The following LRCH3 variants were observed in gnomAD, a reference collection of about 807,000 sequenced individuals.
The protein encoded by LRCH3 is leucine rich repeats and calponin homology domain containing 3.
A neutral mutation model predicts 104.5 loss-of-function variants in LRCH3; 68 were observed. The ratio of observed to expected loss-of-function variants is 0.65; its 90% CI spans 0.54 to 0.80. LRCH3 has a LOEUF of 0.80. Ranked by LOEUF, LRCH3 falls within the 30% of genes least tolerant of loss-of-function variation. The pLI, the probability that LRCH3 is intolerant of heterozygous loss-of-function variation, is 0.00. For synonymous variants in LRCH3, 344 were observed against 361.3 expected (o/e 0.95, Z 0.54); for missense variants, 951 against 953.9 (o/e 1.00, Z 0.04).
At chr3:197,803,526 G>A (rs1732129910) in intron 1 of LRCH3, among the ~76,000 whole-genome samples, 1 of 152,186 alleles carries the variant, frequency 6.6e-6, no homozygotes, top group African/African-American at 2.4e-5. Flanking sequence ...TTAGCCAGGT[G>A]TGGTGATTTG....
At chr3:197,820,686 GT>G (rs1420527551) in intron 4 of LRCH3, among the ~76,000 whole-genome samples, 2 of 152,166 alleles carry the variant, frequency 1.3e-5, no homozygotes, top group Non-Finnish European at 2.9e-5. Context: ...GCGCACTCTT[GT>G]AGTCCCAGCT....
At position 197,798,265 on chromosome 3, in the gene LRCH3, A is replaced by T. The variant is rs556180676; in HGVS notation, c.262+6725A>T. 1.0e-3 allele frequency among the ~76,000 whole-genome samples: 158 copies of T among 152,258 alleles called. 1 individual carries two copies. The Middle Eastern group carries it at 0.014, about 13-fold the overall frequency. On this transcript the variant is annotated intron_variant, in intron 1 of 20. Transcript: ENST00000425562. ...AACAGAGTGAGACCCTGTCTCAAAA[A>T]AAATAAATAAATAAATAAATGAGAG... is the stretch of plus-strand genomic sequence containing the variant.
In LRCH3 at chr3:197,875,137, G is replaced by A. The variant is rs551001761; in HGVS notation, c.2131-561G>A. On this transcript the variant is annotated intron_variant, in intron 19 of 20. Coordinates refer to ENST00000425562, the MANE Select transcript of LRCH3 (RefSeq NM_001365715.1). ...GTAGAGACGGGGTTTCTCCATGTTC[G>A]TCAGGCTGGTCTCGAACTCCCGACC... 6.7e-3 allele frequency among the ~76,000 whole-genome samples: 1,025 copies of A among 152,044 alleles called. 10 individuals carry two copies. The highest frequency in any genetic ancestry group is 0.024 in the South Asian group (115 of 4,824).
rs1739484210 is a variant in LRCH3 at position 197,850,797 on chromosome 3, A to G, written c.1531-1764A>G. 5 of 1,219,584 alleles carry G rather than the reference A, an allele frequency of 4.1e-6. No individual in the cohort carries two copies. The Middle Eastern group carries it at 7.4e-4, about 181-fold the overall frequency. 75.5% of individuals were successfully genotyped at this position (1,219,584 alleles called of 1,614,324 possible). On this transcript the variant is annotated intron_variant, in intron 12 of 20. Transcript: ENST00000425562. ...TCGGAATGGTACACGCTGTTTCTGT[A>G]AAGTGACATCTTTCAGATACTTCGT...
At chr3:197,804,937 T>C (rs1732305930) in intron 1 of LRCH3, among the ~76,000 whole-genome samples, 1 of 151,808 alleles carries the variant, frequency 6.6e-6, no homozygotes, top group Non-Finnish European at 1.5e-5. Flanking sequence ...CTCTGTCGCC[T>C]AGGCTGGAGT....
At chr3:197,849,689 C>T (rs1339392382) in intron 12 of LRCH3, among the ~76,000 whole-genome samples, 1 of 152,130 alleles carries the variant, frequency 6.6e-6, no homozygotes, top group African/African-American at 2.4e-5. Context: ...GATGAGGAAG[C>T]TGTAGGTCTA....
chr3:197,842,447 A>C (rs1325502645), intron 10 of LRCH3, among the ~76,000 whole-genome samples: 1 of 152,178 alleles, frequency 6.6e-6, no homozygotes, highest in African/African-American at 2.4e-5. Flanking sequence ...TAATCTGAAT[A>C]ACATGTTAAC....
chr3:197,825,706 C>T (rs1735122491), intron 4 of LRCH3, among the ~76,000 whole-genome samples: 1 of 151,652 alleles, frequency 6.6e-6, no homozygotes, highest in African/African-American at 2.4e-5. Context: ...GTCTCGATCT[C>T]CTGACCTCGT....
At chr3:197,877,719 T>C (rs896421190) in intron 20 of LRCH3, among the ~76,000 whole-genome samples, 1 of 152,184 alleles carries the variant, frequency 6.6e-6, no homozygotes, top group Non-Finnish European at 1.5e-5. Context: ...TTTTCTCTTA[T>C]GAAAGTAGAT....
chr3:197,838,833 CTGTT>C (rs1323992916), intron 9 of LRCH3, among the ~76,000 whole-genome samples: 3 of 152,066 alleles, frequency 2.0e-5, no homozygotes, highest in Admixed American at 2.0e-4. Context: ...ACACTCAAGA[CTGTT>C]TGTATGAGTA....
chr3:197,832,685 C>CTTTTTTTTTTTTTTTTTTTTGTTT (rs77343938), intron 8 of LRCH3, among the ~76,000 whole-genome samples: 1 of 129,822 alleles, frequency 7.7e-6, no homozygotes. Context: ...GAATTTAGTC[C>CTTTTTTTTTTTTTTTTTTTTGTTT]TTTTTTTTTT....
Position 197,844,866 on chromosome 3 carries a change from C to T in LRCH3, c.1329-2543C>T, listed in dbSNP as rs530750247. Among the ~76,000 whole-genome samples the T allele has an allele frequency of 1.2e-4, 18 of 152,186 alleles. No individual in the cohort carries two copies. In the East Asian group the frequency reaches 1.5e-3, roughly 13 times the overall value. On this transcript the variant is annotated intron_variant, in intron 10 of 20. Transcript: ENST00000425562. ...TTATCTCCTGACTTTGTGATCCGCC[C>T]GCCTCGGCCTCCCAAAGAAGTGCTG...
intron 1 of LRCH3, among the ~76,000 whole-genome samples, chr3:197,804,982 C>A (rs1732311178): frequency 6.6e-6 from 1 of 152,004 alleles, no homozygotes; most frequent in Middle Eastern, 3.4e-3. Flanking sequence ...GCAACCTCCA[C>A]CTCCTGGATT....
At chr3:197,823,756 TTAC>T (rs1159209861) in intron 4 of LRCH3, among the ~76,000 whole-genome samples, 1 of 150,986 alleles carries the variant, frequency 6.6e-6, no homozygotes, top group Non-Finnish European at 1.5e-5. Context: ...AGTGCTGAGA[TTAC>T]AGGCATGAGC....
intron 1 of LRCH3, among the ~76,000 whole-genome samples, chr3:197,793,365 C>G (rs1200689168): frequency 1.3e-5 from 2 of 152,122 alleles, no homozygotes; most frequent in African/African-American, 4.8e-5. Context: ...TATGAGCAGC[C>G]ACTTTCCTTT....
rs1466743343 is a variant in LRCH3 at position 197,840,689 on chromosome 3, C to T, written c.1328+1292C>T. On this transcript the variant is annotated intron_variant, in intron 10 of 20. Transcript: ENST00000425562. ...AAGGTATTAAAGGTAACTCGGGGGA[C>T]TGAGCTATAGATGGAATAAATGTGT... is the stretch of plus-strand genomic sequence containing the variant. 5.3e-5 allele frequency among the ~76,000 whole-genome samples: 8 copies of T among 151,728 alleles called. No individual in the cohort carries two copies. In the East Asian group the frequency reaches 1.6e-3, roughly 29 times the overall value.
rs1227170056 is a variant in LRCH3 at position 197,883,591 on chromosome 3, G to C, written c.2259G>C (p.Gln753His). ...LHILEEKGLS[Q>H]VAVTVQALLE... ...TTTTAGAAGAGAAAGGTTTGAGCCAGGTTGCAGTGACGGTCCAGGCTCTCC... is the reference window on the plus strand; with the variant it reads ...TTTTAGAAGAGAAAGGTTTGAGCCACGTTGCAGTGACGGTCCAGGCTCTCC... Residue 753 changes from glutamine to histidine, a missense_variant, in exon 21 of 21, where the codon CAG (glutamine) becomes CAC (histidine). Physicochemically the swap from Gln to His is conservative, Grantham distance 24. Coordinates refer to ENST00000425562, the MANE Select transcript of LRCH3 (RefSeq NM_001365715.1). The surrounding 1 kb of genome is among the most constrained non-coding windows in gnomAD (Gnocchi z 4.2). 6.5e-7 allele frequency: 1 copy of C among 1,536,110 alleles called. No homozygotes were observed. The highest frequency in any genetic ancestry group is 2.0e-5 in the Admixed American group (1 of 51,000).
At chr3:197,797,075 C>G (rs891907381) in intron 1 of LRCH3, among the ~76,000 whole-genome samples, 14 of 149,526 alleles carry the variant, frequency 9.4e-5, no homozygotes, top group African/African-American at 3.5e-4. Flanking sequence ...CGCCTGTAAT[C>G]GCAGCACTTT....
At chr3:197,801,707 G>A (rs1731918467) in intron 1 of LRCH3, among the ~76,000 whole-genome samples, 3 of 152,050 alleles carry the variant, frequency 2.0e-5, no homozygotes, top group Non-Finnish European at 4.4e-5. Flanking sequence ...TCTTGAAGGA[G>A]GTATATTAGT....
Sources: allele counts gnomAD v4.1 joint callset (sites outside exome capture counted in the v4.1 genomes callset), GRCh38; gene constraint gnomAD v4.1.1; non-coding constraint Gnocchi (gnomAD v3.1); transcripts MANE v1.5; gene names NCBI Gene and HGNC (gene_info 2026-07-23, HGNC 2026-07-21).